Variants in BRSK2 observed in about 807,000 individuals in gnomAD.
BRSK2 encodes BR serine/threonine kinase 2, also known as serine/threonine-protein kinase BRSK2.
BRSK2 carries 19 observed loss-of-function variants against 83.3 expected under a neutral mutation model. The observed-to-expected ratio is 0.23, with a 90% CI of 0.16 to 0.33. BRSK2 has a LOEUF of 0.33. Ranked by LOEUF, BRSK2 falls within the 10% of genes least tolerant of loss-of-function variation. BRSK2 has a pLI of 1.00. For missense variants in BRSK2, 798 were observed against 1,042.3 expected (o/e 0.77, Z 3.23); for synonymous variants, 519 against 435.4 (o/e 1.19, Z -2.39).
intron 13 of BRSK2, among the ~76,000 whole-genome samples, chr11:1,450,209 G>A (rs945760289): frequency 2.7e-5 from 4 of 150,918 alleles, no homozygotes; most frequent in African/African-American, 9.8e-5. Flanking sequence ...CGCTCCCTGC[G>A]CCTCCCCGTA....
At chr11:1,412,670 G>C (rs930822398) in intron 1 of BRSK2, among the ~76,000 whole-genome samples, 3 of 152,206 alleles carry the variant, frequency 2.0e-5, no homozygotes, top group African/African-American at 7.2e-5. Flanking sequence ...TGAGGTGTCT[G>C]TGGGAAAACC....
intron 1 of BRSK2, among the ~76,000 whole-genome samples, chr11:1,405,372 CTG>C (rs975792080): frequency 6.6e-6 from 1 of 152,088 alleles, no homozygotes; most frequent in African/African-American, 2.4e-5. Context: ...GCGTGCCCAC[CTG>C]TGTGTGCAGG....
At position 1,450,628 on chromosome 11, in the gene BRSK2, CCCCAAGGGGACACCTGTCCACACG is replaced by C; in HGVS notation, c.1332_1355del (p.Gly446_Lys453del). The C allele has an allele frequency of 6.2e-7, 1 of 1,601,496 alleles. No homozygotes were observed. On this transcript the variant is annotated inframe_deletion, in exon 14 of 20. Transcript: ENST00000528841. ...CACCAAGGGGCAGTCCCCTCCCCAC[CCCCAAGGGGACACCTGTCCACACG>C]CCAAAGGAGAGCCCGGCTGGCACGC...
At chr11:1,459,708 G>A (rs898145082) in intron 19 of BRSK2, among the ~76,000 whole-genome samples, 6 of 152,182 alleles carry the variant, frequency 3.9e-5, no homozygotes, top group Admixed American at 1.3e-4. Context: ...TGAGCACAGG[G>A]CCCCAAGAAG....
Position 1,462,371 on chromosome 11 carries a change from C to G in BRSK2, c.*1648C>G, listed in dbSNP as rs954354106. 6.6e-6 allele frequency: 1 copy of G among 152,280 alleles called. No individual in the cohort carries two copies. The highest frequency in any genetic ancestry group is 1.5e-5 in the Non-Finnish European group (1 of 68,062). The allele number at this position is 152,280 out of a possible 1,614,324, so 9.4% of individuals were successfully genotyped here. On this transcript the variant is annotated 3_prime_UTR_variant, in exon 20 of 20. Coordinates refer to ENST00000528841, the MANE Select transcript of BRSK2 (RefSeq NM_001256627.2). ...TCGTCTGTCTGCTTCGGTGCCTGCC[C>G]CTGCCTCCCACCCACCTCGTGTATA... is the stretch of plus-strand genomic sequence containing the variant.
chr11:1,402,728 C>T (rs59399825), intron 1 of BRSK2, among the ~76,000 whole-genome samples: 1 of 152,170 alleles, frequency 6.6e-6, no homozygotes, highest in Non-Finnish European at 1.5e-5. Flanking sequence ...AGGCCCACAG[C>T]CCCTCACTCA....
At chr11:1,434,555 C>A (rs1205292733) in intron 1 of BRSK2, among the ~76,000 whole-genome samples, 1 of 121,552 alleles carries the variant, frequency 8.2e-6, no homozygotes, top group African/African-American at 3.2e-5. Context: ...CCTGTGATAA[C>A]CTGGGCCGGC....
chr11:1,451,250 G>A, intron 14 of BRSK2, 121 bp from the exon 15 acceptor site: 1 of 1,192,060 alleles, frequency 8.4e-7, no homozygotes, highest in Admixed American at 1.7e-5. Flanking sequence ...GCCCCTGGGG[G>A]GGCTGTCCCA....
rs765217929 is a variant in BRSK2, at chr11:1,456,442, A to G, written c.1763A>G (p.Lys588Arg). ...GGPAVFQKPV[K>R]FQVDITYTEG... ...CCAGCCGTGTTCCAGAAGCCGGTCA[A>G]GTTCCAGGTTGATATCACCTACACG... is the stretch of plus-strand genomic sequence containing the variant. The change falls in exon 17 of 20, where the codon AAG becomes AGG. Residue 588 changes from lysine to arginine, a missense_variant. Transcript: ENST00000528841. 2.6e-5 allele frequency: 41 copies of G among 1,591,302 alleles called. No individual in the cohort carries two copies. The highest frequency in any genetic ancestry group is 3.3e-5 in the Non-Finnish European group (39 of 1,169,976).
intron 1 of BRSK2, among the ~76,000 whole-genome samples, chr11:1,395,478 C>T (rs868742915): frequency 8.2e-4 from 125 of 152,318 alleles, no homozygotes; most frequent in African/African-American, 2.9e-3. Context: ...CAGCTGAGAG[C>T]TGGCCTTGAG....
Position 1,448,825 on chromosome 11 carries a change from C to G in BRSK2, c.1227-951C>G, listed in dbSNP as rs546670540. ...GGGTCGTCACCGTGGGGACCAGCCC[C>G]CGGGTGTCCGGGAGCCAGGTGTGTG... On this transcript the variant is annotated intron_variant, in intron 12 of 19. Coordinates refer to ENST00000528841, the MANE Select transcript of BRSK2 (RefSeq NM_001256627.2). Among the ~76,000 whole-genome samples, 42 of 152,368 alleles carry G rather than the reference C, an allele frequency of 2.8e-4. 2 individuals are homozygous for G. In the East Asian group the frequency reaches 8.1e-3, roughly 29 times the overall value.
In BRSK2 at chr11:1,459,625, AC is replaced by A. The variant is rs566130044; in HGVS notation, c.1987+387del. Among the ~76,000 whole-genome samples, 481 of 152,306 alleles carry A rather than the reference AC, an allele frequency of 3.2e-3. 1 individual carries two copies. Among genetic ancestry groups the A allele is most frequent in the Admixed American group, 6.3e-3 (96 of 15,304 alleles). On this transcript the variant is annotated intron_variant, in intron 19 of 19. Coordinates refer to ENST00000528841, the MANE Select transcript of BRSK2 (RefSeq NM_001256627.2). Reference sequence around the variant, plus strand: ...TGCCTGGCAGGGAGCGGAGGGGCCCACAGCTCAGGGCTCAGGTGGGGGTTAG... The same window carrying A: ...TGCCTGGCAGGGAGCGGAGGGGCCCAAGCTCAGGGCTCAGGTGGGGGTTAG...
Position 1,461,044 on chromosome 11 carries a change from G to A in BRSK2, c.*321G>A, listed in dbSNP as rs537934619. 1.0e-5 allele frequency: 16 copies of A among 1,607,742 alleles called. No individual in the cohort carries two copies. Among genetic ancestry groups the A allele is most frequent in the Admixed American group, 1.7e-5 (1 of 59,738 alleles). ...GACCGAAGGCAGCTGCTGCGGACCC[G>A]CCCTCCCTCCGCTCCTGCTGTTGCT... On this transcript the variant is annotated 3_prime_UTR_variant, in exon 20 of 20. Transcript: ENST00000528841.
intron 1 of BRSK2, among the ~76,000 whole-genome samples, chr11:1,401,350 C>G (rs1353192313): frequency 1.3e-5 from 2 of 152,220 alleles, no homozygotes; most frequent in Admixed American, 1.3e-4. Flanking sequence ...GGTGCGGGTG[C>G]CCTCCTGGAA....
intron 1 of BRSK2, among the ~76,000 whole-genome samples, chr11:1,421,814 T>A (rs2134198572): frequency 6.6e-6 from 1 of 152,248 alleles, no homozygotes; most frequent in East Asian, 1.9e-4. Flanking sequence ...GGAACAAGGC[T>A]TCAATGTCTG....
At chr11:1,418,383 C>T (rs961016554) in intron 1 of BRSK2, among the ~76,000 whole-genome samples, 15 of 148,142 alleles carry the variant, frequency 1.0e-4, no homozygotes, top group African/African-American at 3.8e-4. Flanking sequence ...GAGTGGGTCA[C>T]CTGTATCCTG....
intron 1 of BRSK2, among the ~76,000 whole-genome samples, chr11:1,415,737 TG>T (rs1848030470): frequency 6.6e-6 from 1 of 152,238 alleles, no homozygotes. Context: ...TTCACTGGCT[TG>T]GAGGAACCCA....
At chr11:1,400,892 G>C (rs539192202) in intron 1 of BRSK2, among the ~76,000 whole-genome samples, 2 of 152,368 alleles carry the variant, frequency 1.3e-5, no homozygotes, top group South Asian at 4.1e-4. Flanking sequence ...ACCCTGTGGC[G>C]TCTGCTCCTC....
intron 2 of BRSK2, among the ~76,000 whole-genome samples, chr11:1,436,810 G>A (rs1001998236): frequency 2.0e-5 from 3 of 152,134 alleles, no homozygotes; most frequent in Admixed American, 6.5e-5. Flanking sequence ...CTCTCCATTC[G>A]CTCCTTGGCA....
Sources: allele counts gnomAD v4.1 joint callset (sites outside exome capture counted in the v4.1 genomes callset), GRCh38; gene constraint gnomAD v4.1.1; transcripts MANE v1.5; gene names NCBI Gene and HGNC (gene_info 2026-07-23, HGNC 2026-07-21).